TRPM3: variants seen among roughly 807,000 people sequenced by gnomAD.
TRPM3 encodes the protein transient receptor potential cation channel subfamily M member 3, also known as long transient receptor potential channel 3.
TRPM3 carries 77 observed loss-of-function variants against 181.2 expected under a neutral mutation model. That is an observed-to-expected ratio of 0.42 (90% CI 0.35 to 0.51). TRPM3 has a LOEUF of 0.51. Ranked by LOEUF, TRPM3 falls within the 20% of genes least tolerant of loss-of-function variation. The probability of loss-of-function intolerance (pLI) is 0.01; values close to 1 mark genes in which losing one functional copy is unlikely to be tolerated. For missense variants in TRPM3, 1,759 were observed against 2,196.7 expected (o/e 0.80, Z 3.98); for synonymous variants, 745 against 796.4 (o/e 0.94, Z 1.09).
intron 1 of TRPM3, among the ~76,000 whole-genome samples, chr9:71,283,675 G>T (rs1453543242): frequency 6.6e-6 from 1 of 152,116 alleles, no homozygotes; most frequent in African/African-American, 2.4e-5. Context: ...TTCATCTGTT[G>T]GTGGGCACTT....
At chr9:71,420,817 G>GGGAA (rs2093737982) in intron 1 of TRPM3, among the ~76,000 whole-genome samples, 1 of 3,068 alleles carries the variant, frequency 3.3e-4, no homozygotes, top group East Asian at 9.6e-3. Flanking sequence ...GAAAGAAAGA[G>GGGAA]AGAAAGAGAG....
chr9:70,828,233 T>C (rs2093672348), intron 5 of TRPM3, among the ~76,000 whole-genome samples: 1 of 152,254 alleles, frequency 6.6e-6, no homozygotes, highest in African/African-American at 2.4e-5. Flanking sequence ...TGAGTATTTA[T>C]TTATTTACTG....
intron 9 of TRPM3, among the ~76,000 whole-genome samples, chr9:70,679,919 T>G (rs911657970): frequency 2.0e-5 from 3 of 152,282 alleles, no homozygotes; most frequent in African/African-American, 7.2e-5. Flanking sequence ...GCTTTGTGGT[T>G]CAGTTCATGC....
chr9:71,260,093 GA>G (rs1214482411), intron 1 of TRPM3, among the ~76,000 whole-genome samples: 1 of 152,082 alleles, frequency 6.6e-6, no homozygotes, highest in Non-Finnish European at 1.5e-5. Context: ...TCAGTTTTCT[GA>G]ATATGGCTAA....
At position 70,535,674 on chromosome 9, in the gene TRPM3, A is replaced by G. The variant is rs1437288347; in HGVS notation, c.*279T>C. ...ATGGCTTTCTGCTGTGACTGCGGAT[A>G]CACATTCATCTCTAACCCTTCCTTC... On this transcript the variant is annotated 3_prime_UTR_variant, in exon 26 of 26. Coordinates refer to ENST00000677713, the MANE Select transcript of TRPM3 (RefSeq NM_001366145.2). 1.2e-5 allele frequency: 17 copies of G among 1,440,600 alleles called. No individual in the cohort carries two copies. Among genetic ancestry groups the G allele is most frequent in the Admixed American group, 5.7e-5 (2 of 34,976 alleles). 89.2% of individuals were successfully genotyped at this position (1,440,600 alleles called of 1,614,324 possible). A position where few individuals can be genotyped will look rare whatever the true frequency, so the allele number is the denominator to read the frequency against.
At chr9:70,772,759 T>G (rs778006957) in intron 7 of TRPM3, among the ~76,000 whole-genome samples, 6 of 152,024 alleles carry the variant, frequency 3.9e-5, no homozygotes, top group Non-Finnish European at 5.9e-5. Flanking sequence ...CTGTCATGTC[T>G]CTTCTTTCCT....
rs576266993 is a variant in TRPM3 at position 71,017,547 on chromosome 9, C to T, written c.177+103631G>A. On this transcript the variant is annotated intron_variant, in intron 1 of 25. Coordinates refer to ENST00000677713, the MANE Select transcript of TRPM3 (RefSeq NM_001366145.2). ...GAAAATATATTCCATACAAATATGA[C>T]ACAAAGAAAGACAGGCTAATATCAG... 4.0e-5 allele frequency among the ~76,000 whole-genome samples: 6 copies of T among 151,606 alleles called. No individual in the cohort carries two copies. The South Asian group carries it at 6.2e-4, about 16-fold the overall frequency.
At chr9:71,354,088 T>C (rs575638123) in intron 1 of TRPM3, among the ~76,000 whole-genome samples, 7 of 152,326 alleles carry the variant, frequency 4.6e-5, no homozygotes, top group African/African-American at 1.7e-4. Context: ...TATTTCCGTA[T>C]GCTTTCCTCT....
At chr9:70,979,114 AG>A (rs1465436151) in intron 1 of TRPM3, among the ~76,000 whole-genome samples, 2 of 152,178 alleles carry the variant, frequency 1.3e-5, no homozygotes, top group Non-Finnish European at 2.9e-5. Flanking sequence ...TCCTAGTGAC[AG>A]GTCAATTTAT....
At chr9:71,140,003 A>G (rs984506057) in intron 1 of TRPM3, among the ~76,000 whole-genome samples, 1 of 152,094 alleles carries the variant, frequency 6.6e-6, no homozygotes, top group Admixed American at 6.6e-5. Flanking sequence ...CTTGTTCCCT[A>G]ACTCTGGAAT....
intron 8 of TRPM3, among the ~76,000 whole-genome samples, chr9:70,739,584 CT>C (rs2073546007): frequency 6.6e-6 from 1 of 151,884 alleles, no homozygotes; most frequent in Non-Finnish European, 1.5e-5. Flanking sequence ...AGGATGCCCA[CT>C]TTTTTATTAT....
chr9:70,959,572 T>C (rs141332126), intron 1 of TRPM3, among the ~76,000 whole-genome samples: 1,840 of 152,278 alleles, frequency 0.012, 38 homozygotes, highest in African/African-American at 0.042. Flanking sequence ...CTGTTTGTTG[T>C]TGTTTTAAAG....
chr9:71,315,963 T>G (rs935408548), intron 1 of TRPM3, among the ~76,000 whole-genome samples: 2 of 152,288 alleles, frequency 1.3e-5, no homozygotes, highest in South Asian at 2.1e-4. Flanking sequence ...CTAAATATAC[T>G]CTAGGCAAGA....
rs79798204 is a variant in TRPM3 at position 71,185,455 on chromosome 9, A to T, written c.183+261198T>A. On this transcript the variant is annotated intron_variant, in intron 1 of 24. Transcript: ENST00000357533. ...AATAAAACAAAAACCAAAGAAGCTT[A>T]CTTTGGAAGTAGACCCTCTTTGTTT... 1.7e-3 allele frequency among the ~76,000 whole-genome samples: 252 copies of T among 152,222 alleles called. 3 individuals carry two copies. In the East Asian group the frequency reaches 0.042, roughly 26 times the overall value.
intron 1 of TRPM3, among the ~76,000 whole-genome samples, chr9:71,428,845 A>C (rs1241770269): frequency 6.6e-6 from 1 of 152,018 alleles, no homozygotes; most frequent in Non-Finnish European, 1.5e-5. Flanking sequence ...ATAATCATCA[A>C]GTTGACCCAG....
chr9:71,329,501 T>C (rs904906334), intron 1 of TRPM3, among the ~76,000 whole-genome samples: 1 of 152,186 alleles, frequency 6.6e-6, no homozygotes, highest in Non-Finnish European at 1.5e-5. Context: ...ATAAAGATGC[T>C]GCAGCAACTA....
intron 1 of TRPM3, among the ~76,000 whole-genome samples, chr9:71,095,051 C>T (rs2066901420): frequency 6.6e-6 from 1 of 152,192 alleles, no homozygotes; most frequent in Admixed American, 6.5e-5. Context: ...GCAGCCATAT[C>T]ATCCCCACAG....
At chr9:70,764,515 T>G (rs2078729439) in intron 7 of TRPM3, among the ~76,000 whole-genome samples, 1 of 152,140 alleles carries the variant, frequency 6.6e-6, no homozygotes, top group Non-Finnish European at 1.5e-5. Context: ...TTCTAAAAAT[T>G]GAGGAATGAT....
At chr9:70,938,334 A>G (rs1232910536) in intron 1 of TRPM3, among the ~76,000 whole-genome samples, 2 of 152,156 alleles carry the variant, frequency 1.3e-5, no homozygotes, top group African/African-American at 4.8e-5. Flanking sequence ...AAGATCACCA[A>G]TAAGTCACTG....
Sources: gnomAD v4.1 joint callset for allele counts (sites outside exome capture counted in the v4.1 genomes callset) on GRCh38, gnomAD v4.1.1 for gene constraint, MANE v1.5 for transcripts, NCBI Gene and HGNC (gene_info 2026-07-23, HGNC 2026-07-21) for gene names.